Variants in NLRP1 observed in about 807,000 individuals in gnomAD.
The protein encoded by NLRP1 is NACHT, LRR and PYD domains-containing protein 1.
In NLRP1, 94 loss-of-function variants were observed where a neutral mutation model predicts 136.7. That is an observed-to-expected ratio of 0.69 (90% confidence interval 0.58 to 0.82). NLRP1 has a LOEUF of 0.82. Among genes scored for constraint, NLRP1 ranks in the 40% least tolerant of loss-of-function variants. The probability of loss-of-function intolerance (pLI) is 0.00; values close to 1 mark genes in which losing one functional copy is unlikely to be tolerated. For missense variants in NLRP1, 1,575 were observed against 1,802.7 expected (o/e 0.87, Z 2.29); for synonymous variants, 690 against 725.1 (o/e 0.95, Z 0.78).
intron 5 of NLRP1, among the ~76,000 whole-genome samples, 180 bp downstream of exon 5, chr17:5,553,206 A>T (rs569852840): frequency 2.0e-5 from 3 of 148,686 alleles, no homozygotes; most frequent in South Asian, 4.3e-4. Context: ...TCATGAAGGA[A>T]TTTTTTTTTT....
chr17:5,545,321 TACACACAG>T (rs569236849), intron 5 of NLRP1, among the ~76,000 whole-genome samples: 40 of 125,466 alleles, frequency 3.2e-4, no homozygotes, highest in African/African-American at 9.1e-4. Flanking sequence ...CTGTCTCTCT[TACACACAG>T]ACACACAGAC....
chr17:5,520,804 T>A lies in NLRP1; in HGVS notation c.3915+77A>T, dbSNP rs886346761. 25 of 1,352,378 alleles carry A rather than the reference T, an allele frequency of 1.8e-5. 1 individual carries two copies. The highest frequency in any genetic ancestry group is 2.0e-5 in the Non-Finnish European group (20 of 1,012,384). 83.8% of individuals were successfully genotyped at this position (1,352,378 alleles called of 1,614,324 possible). A position where few individuals can be genotyped will look rare whatever the true frequency, so the allele number is the denominator to read the frequency against. ...ATTTATCCTGTCCCTGAGAAAGCCC[T>A]GAGACCTGCCCCACAGGCATTCATT... On this transcript the variant is annotated intron_variant, in intron 14 of 16. Coordinates refer to ENST00000572272, the MANE Select transcript of NLRP1 (RefSeq NM_033004.4).
In NLRP1 at chr17:5,583,448, C is replaced by T. The variant is rs750998589; in HGVS notation, c.271+239G>A. ...CATAACTACAATGCCAGGCGAGTACCGGGAATGCACTTGAATAGAAGAGGG... is the reference window on the plus strand; with the variant it reads ...CATAACTACAATGCCAGGCGAGTACTGGGAATGCACTTGAATAGAAGAGGG... On this transcript the variant is annotated intron_variant, in intron 1 of 16. Coordinates refer to ENST00000572272, the MANE Select transcript of NLRP1 (RefSeq NM_033004.4). This position sits in a 1 kb window ranked among gnomAD's most constrained non-coding sequence, Gnocchi z 4.5. Among the ~76,000 whole-genome samples, 61 of 152,276 alleles carry T rather than the reference C, an allele frequency of 4.0e-4. No homozygotes were observed. The highest frequency in any genetic ancestry group is 5.7e-4 in the Non-Finnish European group (39 of 68,020).
chr17:5,520,183 A>G (rs1294694368), intron 14 of NLRP1, among the ~76,000 whole-genome samples: 1 of 152,162 alleles, frequency 6.6e-6, no homozygotes, highest in Non-Finnish European at 1.5e-5. Flanking sequence ...TTAGCTGTTT[A>G]TGACCCTCAA....
chr17:5,553,321 AC>A, intron 5 of NLRP1, 64 bp downstream of exon 5: 1 of 1,432,150 alleles, frequency 7.0e-7, no homozygotes, highest in Non-Finnish European at 9.5e-7. Flanking sequence ...CTCAGCCCAG[AC>A]TCAGCTTCTG....
In NLRP1 at chr17:5,530,628, C is replaced by T. The variant is rs201871081; in HGVS notation, c.3373G>A (p.Val1125Ile). The change falls in exon 12 of 17, where the codon GTT becomes ATT. Residue 1125 changes from valine to isoleucine, a missense_variant. Physicochemically the swap from Val to Ile is conservative, Grantham distance 29. Coordinates refer to ENST00000572272, the MANE Select transcript of NLRP1 (RefSeq NM_033004.4). ...TCCCACACACAGAATTCAATCTCAA[C>T]GGTCACCGCTTCTCTCATCACAAAG... ...LCFVMREAVT[V>I]EIEFCVWDQF... The T allele has an allele frequency of 3.4e-5, 55 of 1,614,114 alleles. No homozygotes were observed. The highest frequency in any genetic ancestry group is 4.4e-5 in the Non-Finnish European group (52 of 1,180,036).
chr17:5,582,396 G>A (rs10852870), intron 2 of NLRP1, among the ~76,000 whole-genome samples: 69,760 of 151,904 alleles, frequency 0.46, 16,294 homozygotes, highest in Middle Eastern at 0.48. Flanking sequence ...ACCATGTCAC[G>A]AGTTGGGCAC....
chr17:5,552,524 C>T (rs1024510076), intron 5 of NLRP1, among the ~76,000 whole-genome samples: 108 of 152,132 alleles, frequency 7.1e-4, no homozygotes, highest in African/African-American at 2.5e-3. Flanking sequence ...CATTCCACCC[C>T]CCAATCACTT....
intron 4 of NLRP1, among the ~76,000 whole-genome samples, chr17:5,555,614 A>G (rs1913951015): frequency 6.6e-6 from 1 of 151,996 alleles, no homozygotes; most frequent in African/African-American, 2.4e-5. Flanking sequence ...AAGATTTCCC[A>G]CCTGTCCACT....
chr17:5,576,055 T>G lies in NLRP1; in HGVS notation c.652+5804A>C, dbSNP rs984233562. Among the ~76,000 whole-genome samples, 147 of 152,062 alleles carry G rather than the reference T, an allele frequency of 9.7e-4. 1 individual carries two copies. Among genetic ancestry groups the G allele is most frequent in the Non-Finnish European group, 3.7e-4 (25 of 68,006 alleles). On this transcript the variant is annotated intron_variant, in intron 3 of 16. Coordinates refer to ENST00000572272, the MANE Select transcript of NLRP1 (RefSeq NM_033004.4). Reference sequence around the variant, plus strand: ...GTACATAACGAAATGAAGGCAGAAATAAAGATGTTCTTTGAAACCAATGAG... The same window carrying G: ...GTACATAACGAAATGAAGGCAGAAAGAAAGATGTTCTTTGAAACCAATGAG...
At chr17:5,505,898 C>T (rs1907308458) in intron 15 of NLRP1, 2 of 152,338 alleles carry the variant, frequency 1.3e-5, no homozygotes, top group African/African-American at 4.8e-5. Context: ...ACACACAGAC[C>T]TCTGCTCTCT....
At chr17:5,507,581 C>A (rs969327130) in intron 15 of NLRP1, among the ~76,000 whole-genome samples, 1 of 151,870 alleles carries the variant, frequency 6.6e-6, no homozygotes, top group African/African-American at 2.4e-5. Context: ...TGTAATCCCA[C>A]TGGGAGGCCG....
chr17:5,573,106 G>T lies in NLRP1; in HGVS notation c.652+8753C>A, dbSNP rs556702103. ...TGACAGATGGCACCTGGAAAATTGG[G>T]TCACTCCCACCCTAATACTGCACTT... On this transcript the variant is annotated intron_variant, in intron 3 of 16. Transcript: ENST00000572272. Among the ~76,000 whole-genome samples, 58 of 152,288 alleles carry T rather than the reference G, an allele frequency of 3.8e-4. No homozygotes were observed. The South Asian group carries it at 0.012, about 31-fold the overall frequency.
At chr17:5,521,298 T>TC (rs1908867856) in intron 13 of NLRP1, among the ~76,000 whole-genome samples, 1 of 152,118 alleles carries the variant, frequency 6.6e-6, no homozygotes. Context: ...TAAGAAACTG[T>TC]CCAAAGATCA....
rs568288100 is a variant in NLRP1, at chr17:5,580,886, G to A, written c.652+973C>T. 3.3e-5 allele frequency among the ~76,000 whole-genome samples: 5 copies of A among 152,228 alleles called. No individual in the cohort carries two copies. The South Asian group carries it at 6.2e-4, about 19-fold the overall frequency. ...CTTTCTGTTTTCCTTAGTTTAACTC[G>A]AATGTTGATCTTTCCTTATATACCC... is the stretch of plus-strand genomic sequence containing the variant. On this transcript the variant is annotated intron_variant, in intron 3 of 16. Transcript: ENST00000572272.
rs371699654 is a variant in NLRP1, at chr17:5,559,610, C to A, written c.1086G>T (p.Gln362His). ...GRGQLYGDRF[Q>H]HVFYFSCREL... is the part of the protein sequence containing the mutation. ...CTCTGCAGCTGAAGTAGAAGACATG[C>A]TGGAAGCGGTCCCCATACAGCTGGC... is the stretch of plus-strand genomic sequence containing the variant. Residue 362 changes from glutamine (Q) to histidine (H), a missense_variant, in exon 4 of 17, where the codon CAG becomes CAT. Transcript: ENST00000572272. The A allele has an allele frequency of 3.1e-6, 5 of 1,614,092 alleles. No homozygotes were observed. The African/African-American group carries it at 5.3e-5, about 17-fold the overall frequency.
chr17:5,508,080 GC>G (rs555316212), intron 15 of NLRP1, among the ~76,000 whole-genome samples: 131 of 152,160 alleles, frequency 8.6e-4, no homozygotes, highest in Non-Finnish European at 1.6e-3. Flanking sequence ...GTTGCGGTGA[GC>G]TGACATCGTG....
At chr17:5,517,192 C>T (rs1908222539) in intron 15 of NLRP1, among the ~76,000 whole-genome samples, 1 of 152,108 alleles carries the variant, frequency 6.6e-6, no homozygotes, top group African/African-American at 2.4e-5. Flanking sequence ...TGTGAAGACA[C>T]CATTGTGCAT....
downstream of NLRP1, chr17:5,511,989 T>C: frequency 1.9e-6 from 1 of 514,162 alleles, no homozygotes; most frequent in Non-Finnish European, 3.6e-6. Flanking sequence ...GAAGTGGGCC[T>C]GGTTTAGAAA....
Sources: gnomAD v4.1 joint callset for allele counts (sites outside exome capture counted in the v4.1 genomes callset) on GRCh38, gnomAD v4.1.1 for gene constraint, Gnocchi (gnomAD v3.1) non-coding constraint, MANE v1.5 for transcripts, NCBI Gene and HGNC (gene_info 2026-07-23, HGNC 2026-07-21) for gene names.